VPS13B: variants seen among roughly 807,000 people sequenced by gnomAD.
VPS13B encodes intermembrane lipid transfer protein VPS13B.
Under a neutral mutation model 426.4 loss-of-function variants are expected in VPS13B, and 285 were observed. The ratio of observed to expected loss-of-function variants is 0.67; its 90% CI spans 0.61 to 0.74. VPS13B has a LOEUF of 0.74. VPS13B is among the 30% of genes least tolerant of loss of function. The probability of loss-of-function intolerance (pLI) is 0.00; values close to 1 mark genes in which losing one functional copy is unlikely to be tolerated. For synonymous variants in VPS13B, 1,676 were observed against 1,676.4 expected (o/e 1.00, Z 0.01); for missense variants, 4,537 against 4,782.6 (o/e 0.95, Z 1.51).
rs1259627712 is a variant in VPS13B at position 99,717,316 on chromosome 8, A to G, written c.6600A>G (p.Pro2200=). The G allele has an allele frequency of 1.9e-6, 3 of 1,614,090 alleles. No homozygotes were observed. Among genetic ancestry groups the G allele is most frequent in the African/African-American group, 1.3e-5 (1 of 75,060 alleles). ...AGTGGTGTAAACACAGCGGGAATCC[A>G]GGCCCAGAACAATCCATACCAAAAA... is the stretch of plus-strand genomic sequence containing the variant. The part of the protein sequence containing the change: ...EAKWCKHSGN[P]GPEQSIPKIS... Residue 2200 remains proline, a synonymous_variant, in exon 37 of 62, where the codon CCA becomes CCG. Transcript: ENST00000357162.
chr8:99,468,147 A>T (rs1331830284), intron 24 of VPS13B, among the ~76,000 whole-genome samples: 4 of 151,502 alleles, frequency 2.6e-5, no homozygotes, highest in Non-Finnish European at 4.4e-5. Context: ...CTATCCCCCG[A>T]CCCCCCAGCC....
At chr8:99,800,389 T>C (rs1309425900) in intron 43 of VPS13B, among the ~76,000 whole-genome samples, 3 of 152,138 alleles carry the variant, frequency 2.0e-5, no homozygotes, top group African/African-American at 7.2e-5. Flanking sequence ...ATGAAAACAA[T>C]AGATATGTAT....
At chr8:99,675,761 A>G (rs1830909394) in intron 35 of VPS13B, among the ~76,000 whole-genome samples, 1 of 151,508 alleles carries the variant, frequency 6.6e-6, no homozygotes, top group Admixed American at 6.6e-5. Context: ...AGCTCATTGT[A>G]TTTTTCAGCT....
intron 30 of VPS13B, among the ~76,000 whole-genome samples, chr8:99,534,065 G>A (rs1823066804): frequency 1.3e-5 from 2 of 152,166 alleles, no homozygotes; most frequent in African/African-American, 4.8e-5. Context: ...TTCCCTTTTA[G>A]TAAGTCAGAG....
intron 30 of VPS13B, among the ~76,000 whole-genome samples, chr8:99,539,326 TTTAA>T (rs943763444): frequency 3.3e-5 from 5 of 152,216 alleles, no homozygotes; most frequent in African/African-American, 1.2e-4. Flanking sequence ...AACATTAATA[TTTAA>T]TAAGAATGAT....
chr8:99,460,952 A>G (rs1278769418), intron 23 of VPS13B, among the ~76,000 whole-genome samples: 1 of 152,172 alleles, frequency 6.6e-6, no homozygotes. Flanking sequence ...CCTAAGTTCA[A>G]CAGTTCTTCA....
At chr8:99,827,541 G>GT (rs1814765750) in intron 51 of VPS13B, among the ~76,000 whole-genome samples, 1 of 122,484 alleles carries the variant, frequency 8.2e-6, no homozygotes, top group Non-Finnish European at 1.7e-5. Flanking sequence ...TGGTTTCGTT[G>GT]ATTTTTTTTT....
At chr8:99,853,306 CT>C in intron 55 of VPS13B, 144 bp from the exon 56 acceptor site, 1 of 796,162 alleles carries the variant, frequency 1.3e-6, no homozygotes, top group Non-Finnish European at 2.0e-6. Context: ...ACACAATGTA[CT>C]GAAAGTTGAG....
At chr8:99,442,687 A>G (rs756810962) in intron 23 of VPS13B, 52 bp downstream of exon 23, 1 of 1,547,584 alleles carries the variant, frequency 6.5e-7, no homozygotes, top group Non-Finnish European at 8.8e-7. Context: ...GGACATTTTT[A>G]GATTTGTTGG....
chr8:99,196,713 A>G (rs1813955133), intron 17 of VPS13B, among the ~76,000 whole-genome samples: 1 of 152,138 alleles, frequency 6.6e-6, no homozygotes, highest in African/African-American at 2.4e-5. Context: ...TACTGGGATT[A>G]CACGTGTGAG....
At chr8:99,487,495 A>G (rs1820377093) in intron 25 of VPS13B, among the ~76,000 whole-genome samples, 1 of 152,194 alleles carries the variant, frequency 6.6e-6, no homozygotes, top group Non-Finnish European at 1.5e-5. Context: ...TAAAATGTAC[A>G]ATTTAGTGGC....
chr8:99,820,635 GA>G (rs1814304231), intron 49 of VPS13B, among the ~76,000 whole-genome samples: 1 of 152,110 alleles, frequency 6.6e-6, no homozygotes. Flanking sequence ...CTGACACAGA[GA>G]GAAACCTAAT....
At chr8:99,821,165 CA>C (rs1189736544) in intron 49 of VPS13B, 128 bp from the exon 50 acceptor site, 18 of 552,174 alleles carry the variant, frequency 3.3e-5, no homozygotes, top group East Asian at 9.4e-5. Flanking sequence ...CACACACACA[CA>C]CCATGGAGGG....
At chr8:99,866,307 G>A (rs141735577) in intron 58 of VPS13B, among the ~76,000 whole-genome samples, 3 of 152,354 alleles carry the variant, frequency 2.0e-5, no homozygotes, top group Non-Finnish European at 4.4e-5. Flanking sequence ...CAGGGCTGCA[G>A]GGACCATGAA....
Position 99,699,746 on chromosome 8 carries a change from G to A in VPS13B, c.6268G>A (p.Val2090Met), listed in dbSNP as rs773027253. The A allele has an allele frequency of 3.1e-6, 5 of 1,614,008 alleles. No individual in the cohort carries two copies. Among genetic ancestry groups the A allele is most frequent in the Non-Finnish European group, 4.2e-6 (5 of 1,180,028 alleles). ...TAAACCCAAAATTCATGGTGATGGA[G>A]TGCAAAAGATTTCAGCTCAAGAAAA... ...LSKPKIHGDG[V>M]QKISAQENMW... The change falls in exon 36 of 62, where the codon GTG becomes ATG. Residue 2090 changes from valine (V) to methionine (M), a missense_variant. Val to Met is a conservative substitution (Grantham distance 21). Around this residue, in one of 2 missense-constraint regions of VPS13B, gnomAD observed 4,311 missense variants for 4,474.3 expected, o/e 0.96. Coordinates refer to ENST00000357162, the MANE Select transcript of VPS13B (RefSeq NM_152564.5).
Position 99,766,916 on chromosome 8 carries a change from C to CAG in VPS13B, c.7195_7196dup (p.Asp2399GlufsTer8), listed in dbSNP as rs1173651691. ...AATGACCAGAAGAAATTAGTATCTT[C>CAG]AGATCTTTGGAGAATTGTCTTGAAC... On this transcript the variant is annotated frameshift_variant, in exon 40 of 62. Coordinates refer to ENST00000357162, the MANE Select transcript of VPS13B (RefSeq NM_152564.5). LOFTEE classifies it high-confidence loss of function. The CAG allele has an allele frequency of 6.2e-7, 1 of 1,613,938 alleles. No individual in the cohort carries two copies. Among genetic ancestry groups the CAG allele is most frequent in the Non-Finnish European group, 8.5e-7 (1 of 1,179,934 alleles).
chr8:99,028,413 C>T (rs1453003995), intron 2 of VPS13B, among the ~76,000 whole-genome samples: 13 of 146,588 alleles, frequency 8.9e-5, no homozygotes, highest in South Asian at 6.5e-4. Flanking sequence ...ACCTCCCTCC[C>T]GGACGGGGCG....
At chr8:99,055,183 C>T (rs984364757) in intron 3 of VPS13B, among the ~76,000 whole-genome samples, 10 of 151,908 alleles carry the variant, frequency 6.6e-5, no homozygotes, top group African/African-American at 2.4e-4. Flanking sequence ...GGACTATAAA[C>T]ATGAGCCAGC....
chr8:99,479,659 G>T lies in VPS13B; in HGVS notation c.3667-1940G>T, dbSNP rs192651911. 3.7e-4 allele frequency among the ~76,000 whole-genome samples: 56 copies of T among 152,142 alleles called. No individual in the cohort carries two copies. In the Middle Eastern group the frequency reaches 0.014, roughly 37 times the overall value. On this transcript the variant is annotated intron_variant, in intron 24 of 61. Transcript: ENST00000357162. ...TGTCATTATAGACTAATTTTTGTTT[G>T]TTTTTCTTAGCCTAGCTTCTTTCAT...
Sources: gnomAD v4.1 joint callset for allele counts (sites outside exome capture counted in the v4.1 genomes callset) on GRCh38, gnomAD v4.1.1 for gene constraint, gnomAD v4.1.1 regional missense constraint, MANE v1.5 for transcripts, NCBI Gene and HGNC (gene_info 2026-07-23, HGNC 2026-07-21) for gene names.